CDH23: variants seen among roughly 807,000 people sequenced by gnomAD.
CDH23 encodes the protein cadherin-23.
In CDH23, 189 loss-of-function variants were observed where a neutral mutation model predicts 317.1. The observed-to-expected ratio is 0.60, with a 90% confidence interval of 0.53 to 0.67. The LOEUF (loss-of-function observed/expected upper bound fraction) is 0.67. Among genes scored for constraint, CDH23 ranks in the 30% least tolerant of loss-of-function variants. The pLI is 0.00. For missense variants in CDH23, 4,401 were observed against 4,592.4 expected (o/e 0.96, Z 1.20); for synonymous variants, 1,839 against 1,876.8 (o/e 0.98, Z 0.52).
At position 71,731,992 on chromosome 10, in the gene CDH23, G is replaced by A; in HGVS notation, c.3721G>A (p.Gly1241Ser). The A allele has an allele frequency of 1.2e-6, 2 of 1,613,424 alleles. No homozygotes were observed. The highest frequency in any genetic ancestry group is 1.7e-6 in the Non-Finnish European group (2 of 1,179,532). Residue 1241 changes from glycine to serine, a missense_variant, in exon 32 of 70, where the codon GGT (glycine) becomes AGT (serine). Transcript: ENST00000224721. Reference protein sequence around the residue: ...VQATDRDSGDGGLVNYRILSG... With the variant: ...VQATDRDSGDSGLVNYRILSG... ...GCCTCTGTGTCCTCCTACAGGGGAT[G>A]GTGGCCTGGTGAACTACCGCATCCT...
chr10:71,426,280 G>C (rs1374453174), intron 1 of CDH23, among the ~76,000 whole-genome samples: 1 of 152,220 alleles, frequency 6.6e-6, no homozygotes, highest in African/African-American at 2.4e-5. Flanking sequence ...AGGGTACCAA[G>C]TCTGCTCTGC....
chr10:71,571,189 G>C (rs529828740), intron 8 of CDH23, among the ~76,000 whole-genome samples: 1 of 152,354 alleles, frequency 6.6e-6, no homozygotes, highest in East Asian at 1.9e-4. Flanking sequence ...CATTCAGACA[G>C]ACTTATGTGG....
intron 34 of CDH23, 146 bp from the exon 35 acceptor site, chr10:71,738,352 G>A (rs776639484): frequency 9.1e-5 from 82 of 905,578 alleles, no homozygotes; most frequent in Non-Finnish European, 1.3e-4. Flanking sequence ...TGTAAAGTCA[G>A]GATAGGCTTC....
In CDH23 at chr10:71,760,775, G is replaced by A. The variant is rs145409576; in HGVS notation, c.4846-16905G>A. ...GACCGGGGGGTTCTGAGGGCTTGGG[G>A]TGATGAGGCCAGAGTTCCAAACAGG... On this transcript the variant is annotated intron_variant, in intron 38 of 69. Coordinates refer to ENST00000224721, the MANE Select transcript of CDH23 (RefSeq NM_022124.6). 6.6e-6 allele frequency: 8 copies of A among 1,212,852 alleles called. No homozygotes were observed. The Admixed American group carries it at 1.0e-4, about 15-fold the overall frequency. The allele number at this position is 1,212,852 out of a possible 1,614,324, so 75.1% of individuals were successfully genotyped here. A position where few individuals can be genotyped will look rare whatever the true frequency, so the allele number is the denominator to read the frequency against.
chr10:71,613,905 G>A (rs976486450), intron 9 of CDH23, among the ~76,000 whole-genome samples: 3 of 152,158 alleles, frequency 2.0e-5, no homozygotes, highest in African/African-American at 4.8e-5. Context: ...AAACAATAAC[G>A]ACAACACTAC....
chr10:71,589,377 G>A (rs952902956), intron 9 of CDH23, among the ~76,000 whole-genome samples: 4 of 152,122 alleles, frequency 2.6e-5, no homozygotes, highest in Non-Finnish European at 5.9e-5. Context: ...CTTGGCCTCC[G>A]AAAGTGCTGG....
At chr10:71,729,930 G>A (rs527551757) in intron 30 of CDH23, among the ~76,000 whole-genome samples, 1 of 152,038 alleles carries the variant, frequency 6.6e-6, no homozygotes, top group South Asian at 2.1e-4. Context: ...TGCCTCCCGG[G>A]TTCACACCAT....
At chr10:71,636,899 G>A (rs1171189681) in intron 11 of CDH23, among the ~76,000 whole-genome samples, 1 of 152,220 alleles carries the variant, frequency 6.6e-6, no homozygotes, top group Non-Finnish European at 1.5e-5. Flanking sequence ...TGTGACATGG[G>A]CTTGCTGGGT....
chr10:71,452,024 C>T (rs781373854), intron 3 of CDH23, among the ~76,000 whole-genome samples: 1 of 152,190 alleles, frequency 6.6e-6, no homozygotes, highest in Non-Finnish European at 1.5e-5. Context: ...AGCACTTTCC[C>T]GCAGATGGCA....
chr10:71,800,245 C>A (rs558006137), intron 52 of CDH23, among the ~76,000 whole-genome samples: 10 of 152,358 alleles, frequency 6.6e-5, no homozygotes, highest in Admixed American at 3.3e-4. Context: ...GGGGCTGGAA[C>A]TGGACTTTGC....
chr10:71,794,973 G>A (rs1841361209), intron 48 of CDH23, among the ~76,000 whole-genome samples: 1 of 152,160 alleles, frequency 6.6e-6, no homozygotes, highest in Non-Finnish European at 1.5e-5. Context: ...AGTGCCAGCG[G>A]TGAGAAGCAA....
intron 14 of CDH23, among the ~76,000 whole-genome samples, chr10:71,670,502 C>G (rs866172169): frequency 3.9e-4 from 59 of 152,110 alleles, no homozygotes; most frequent in African/African-American, 1.3e-3. Context: ...GCTCCCGGGT[C>G]AAGACCAGTG....
In CDH23 at chr10:71,732,569, G is replaced by C. The variant is rs1589383088; in HGVS notation, c.4104+194G>C. ...ATTGCTTCAGCTCAGGAGTTTGGAG[G>C]CTGCAGTGAGCTGCGTTTGCACCAC... On this transcript the variant is annotated intron_variant, in intron 32 of 69. Coordinates refer to ENST00000224721, the MANE Select transcript of CDH23 (RefSeq NM_022124.6). 61 of 1,293,816 alleles carry C rather than the reference G, an allele frequency of 4.7e-5. No individual in the cohort carries two copies. In the East Asian group the frequency reaches 1.6e-3, roughly 33 times the overall value. 80.1% of individuals were successfully genotyped at this position (1,293,816 alleles called of 1,614,324 possible).
intron 3 of CDH23, among the ~76,000 whole-genome samples, chr10:71,476,832 G>A (rs565283726): frequency 2.7e-4 from 41 of 152,194 alleles, no homozygotes; most frequent in Non-Finnish European, 5.3e-4. Context: ...GCTCCCAGCC[G>A]GACACGCCTC....
In CDH23 at chr10:71,645,901, C is replaced by A; in HGVS notation, c.1211C>A (p.Ser404Tyr). 3.7e-6 allele frequency: 6 copies of A among 1,613,696 alleles called. No homozygotes were observed. Among genetic ancestry groups the A allele is most frequent in the Non-Finnish European group, 5.1e-6 (6 of 1,179,672 alleles). Residue 404 changes from serine (S) to tyrosine (Y), a missense_variant, in exon 13 of 70, where the codon TCC (serine) becomes TAC (tyrosine). Coordinates refer to ENST00000224721, the MANE Select transcript of CDH23 (RefSeq NM_022124.6). ...CACCACTTCATCATCTCCCCGACCT[C>A]CGTCCAGGGGAAGGCGGACATTCGT... ...NSHHFIISPT[S>Y]VQGKADIRIR...
At chr10:71,666,734 G>A (rs1863915395) in intron 14 of CDH23, among the ~76,000 whole-genome samples, 3 of 152,308 alleles carry the variant, frequency 2.0e-5, no homozygotes, top group African/African-American at 7.2e-5. Flanking sequence ...GGGGGCCCCA[G>A]CAGGCATGTG....
At chr10:71,520,197 C>T (rs932410146) in intron 6 of CDH23, among the ~76,000 whole-genome samples, 3 of 152,192 alleles carry the variant, frequency 2.0e-5, no homozygotes, top group African/African-American at 4.8e-5. Flanking sequence ...GACTCATCCC[C>T]GTGGACTGAT....
intron 69 of CDH23, among the ~76,000 whole-genome samples, chr10:71,814,735 C>CAG (rs1324921225): frequency 6.6e-6 from 1 of 151,586 alleles, no homozygotes; most frequent in Non-Finnish European, 1.5e-5. Flanking sequence ...CACACACACA[C>CAG]AGATTTTCAC....
In CDH23 at chr10:71,709,211, G is replaced by A. The variant is rs750452808; in HGVS notation, c.3220G>A (p.Asp1074Asn). 13 of 1,613,140 alleles carry A rather than the reference G, an allele frequency of 8.1e-6. No homozygotes were observed. The highest frequency in any genetic ancestry group is 1.1e-5 in the South Asian group (1 of 91,076). ...AAYMLILEAIDNGPVGKRHTG... is the reference protein window; with the variant it reads ...AAYMLILEAINNGPVGKRHTG... ...CTACATGCTCATCCTGGAGGCCATC[G>A]GTATGCACCAGTCCCGCACCCACCA... Residue 1074 changes from aspartate to asparagine, a missense_variant and splice_region_variant, in exon 27 of 70, where the codon GAC (aspartate) becomes AAC (asparagine). Coordinates refer to ENST00000224721, the MANE Select transcript of CDH23 (RefSeq NM_022124.6).
Sources: allele counts gnomAD v4.1 joint callset (sites outside exome capture counted in the v4.1 genomes callset), GRCh38; gene constraint gnomAD v4.1.1; transcripts MANE v1.5; gene names NCBI Gene and HGNC (gene_info 2026-07-23, HGNC 2026-07-21).